Variants in TRPC4AP observed in about 807,000 individuals in gnomAD.
TRPC4AP encodes short transient receptor potential channel 4-associated protein.
In TRPC4AP, 45 loss-of-function variants were observed where a neutral mutation model predicts 99.0. The ratio of observed to expected loss-of-function variants is 0.45; its 90% CI spans 0.36 to 0.58. TRPC4AP has a LOEUF of 0.58. Among genes scored for constraint, TRPC4AP ranks in the 20% least tolerant of loss-of-function variants. The probability of loss-of-function intolerance (pLI) is 0.00; values close to 1 mark genes in which losing one functional copy is unlikely to be tolerated. For missense variants in TRPC4AP, 879 were observed against 985.3 expected, an observed-to-expected ratio of 0.89 and a Z score of 1.44; for synonymous variants, 408 against 385.8, an observed-to-expected ratio of 1.06 and a Z score of -0.67.
At chr20:35,086,463 G>GTATATA (rs1569157445) in intron 1 of TRPC4AP, among the ~76,000 whole-genome samples, 10 of 125,512 alleles carry the variant, frequency 8.0e-5, no homozygotes, top group East Asian at 2.3e-4. Flanking sequence ...GTGTGTGTGT[G>GTATATA]TGTGTGTGTG....
rs542341937 is a variant in TRPC4AP, at chr20:35,008,829, G to A, written c.1512-82C>T. ...GATGGGTCATTCTGCTGGCTTAGGCGGTGAAAAACCATGGGGACATTTCCA... is the reference window on the plus strand; with the variant it reads ...GATGGGTCATTCTGCTGGCTTAGGCAGTGAAAAACCATGGGGACATTTCCA... On this transcript the variant is annotated intron_variant, in intron 12 of 18. Coordinates refer to ENST00000252015, the MANE Select transcript of TRPC4AP (RefSeq NM_015638.3). The A allele has an allele frequency of 9.2e-4, 1,199 of 1,306,322 alleles. 1 individual carries two copies. Among genetic ancestry groups the A allele is most frequent in the Non-Finnish European group, 1.2e-3 (1,120 of 924,538 alleles). 80.9% of individuals were successfully genotyped at this position (1,306,322 alleles called of 1,614,324 possible).
intron 18 of TRPC4AP, 28 bp downstream of exon 18, chr20:35,003,382 A>G (rs1168883327): frequency 3.9e-6 from 6 of 1,543,916 alleles, no homozygotes; most frequent in Non-Finnish European, 5.2e-6. Flanking sequence ...CGGCCCACCC[A>G]TCACCCCCTT....
At chr20:35,015,517 C>CAA (rs1404630562) in intron 10 of TRPC4AP, among the ~76,000 whole-genome samples, 13 of 146,564 alleles carry the variant, frequency 8.9e-5, no homozygotes, top group Non-Finnish European at 1.9e-4. Context: ...GGCTGGAGTC[C>CAA]AGTGGCGTGA....
intron 14 of TRPC4AP, 138 bp from the exon 15 acceptor site, chr20:35,006,713 G>T: frequency 8.5e-7 from 1 of 1,179,366 alleles, no homozygotes; most frequent in Non-Finnish European, 1.2e-6. Flanking sequence ...TCTTGTCTGA[G>T]GATGCTGGTG....
intron 3 of TRPC4AP, among the ~76,000 whole-genome samples, chr20:35,065,267 G>A (rs1434830708): frequency 1.3e-5 from 2 of 152,248 alleles, no homozygotes; most frequent in Non-Finnish European, 2.9e-5. Context: ...CACTCAATGG[G>A]AGAGGAAGAG....
At chr20:35,022,961 T>C (rs896147434) in intron 8 of TRPC4AP, among the ~76,000 whole-genome samples, 5 of 151,384 alleles carry the variant, frequency 3.3e-5, no homozygotes, top group African/African-American at 9.7e-5. Context: ...AGGTGAAGGT[T>C]GCAGTGAACC....
chr20:35,032,277 A>G (rs2083214094), intron 8 of TRPC4AP, among the ~76,000 whole-genome samples: 1 of 152,098 alleles, frequency 6.6e-6, no homozygotes, highest in Non-Finnish European at 1.5e-5. Flanking sequence ...TGCCCGCCTC[A>G]GCCTCCCAAA....
intron 1 of TRPC4AP, among the ~76,000 whole-genome samples, chr20:35,089,052 A>G (rs1315832329): frequency 1.1e-5 from 1 of 93,766 alleles, no homozygotes; most frequent in Admixed American, 1.2e-4. Context: ...TTTTTTTTTA[A>G]GATACAGGGT....
chr20:35,013,092 T>TTAGGACCA, intron 10 of TRPC4AP, 26 bp from the exon 11 acceptor site: 1 of 1,613,292 alleles, frequency 6.2e-7, no homozygotes, highest in South Asian at 1.1e-5. Context: ...AGCCTCAATG[T>TTAGGACCA]TAGGACCACA....
intron 8 of TRPC4AP, among the ~76,000 whole-genome samples, chr20:35,025,194 G>C (rs1203668248): frequency 6.6e-6 from 1 of 152,026 alleles, no homozygotes; most frequent in African/African-American, 2.4e-5. Flanking sequence ...CTATATCATT[G>C]TGGGGTTTGT....
At chr20:35,018,619 A>AAG (rs1555903365) in intron 9 of TRPC4AP, among the ~76,000 whole-genome samples, 1 of 151,232 alleles carries the variant, frequency 6.6e-6, no homozygotes. Flanking sequence ...AAAAAAAAAA[A>AAG]AAAAAAAGAA....
At chr20:35,085,521 G>A (rs1399389609) in intron 1 of TRPC4AP, among the ~76,000 whole-genome samples, 1 of 151,460 alleles carries the variant, frequency 6.6e-6, no homozygotes, top group East Asian at 1.9e-4. Flanking sequence ...GCTGAGGTGG[G>A]AGGATTGCTT....
At chr20:35,023,222 G>C (rs1173858271) in intron 8 of TRPC4AP, among the ~76,000 whole-genome samples, 1 of 152,120 alleles carries the variant, frequency 6.6e-6, no homozygotes, top group African/African-American at 2.4e-5. Context: ...TTCACTAGCC[G>C]GGTGGTCTTC....
intron 5 of TRPC4AP, 49 bp from the exon 6 acceptor site, chr20:35,050,043 A>G: frequency 6.3e-7 from 1 of 1,585,636 alleles, no homozygotes; most frequent in South Asian, 1.2e-5. Flanking sequence ...AAAATAAATT[A>G]TGAAAGTACA....
intron 9 of TRPC4AP, among the ~76,000 whole-genome samples, chr20:35,017,933 A>C (rs1277436625): frequency 2.6e-5 from 4 of 152,094 alleles, no homozygotes; most frequent in Non-Finnish European, 5.9e-5. Context: ...CTGTTCTGCC[A>C]CTCAGGCCTT....
Position 35,078,130 on chromosome 20 carries a change from C to A in TRPC4AP, c.213G>T (p.Trp71Cys). The stretch of plus-strand genomic sequence containing the variant: ...TGAGGAGCAGCTGAGGAATTCCACT[C>A]CACTTGGATTGTTTGTCCCTCTCCG... ...FLTERDKQSKWSGIPQLLLKL... is the reference protein window; with the variant it reads ...FLTERDKQSKCSGIPQLLLKL... The change falls in exon 2 of 19, where the codon TGG (tryptophan) becomes TGT (cysteine). Residue 71 changes from tryptophan (W) to cysteine (C), a missense_variant. Trp to Cys is a radical substitution (Grantham distance 215). Around this residue, in one of 3 missense-constraint regions of TRPC4AP, gnomAD observed 603 missense variants for 631.8 expected, o/e 0.95. Transcript: ENST00000252015. The A allele has an allele frequency of 6.2e-7, 1 of 1,614,008 alleles. No individual in the cohort carries two copies. The highest frequency in any genetic ancestry group is 8.5e-7 in the Non-Finnish European group (1 of 1,179,964).
chr20:35,078,826 G>A (rs1226900130), intron 1 of TRPC4AP, among the ~76,000 whole-genome samples: 1 of 152,206 alleles, frequency 6.6e-6, no homozygotes, highest in African/African-American at 2.4e-5. Context: ...AACACTTTGG[G>A]AAGCCGAGGC....
intron 6 of TRPC4AP, among the ~76,000 whole-genome samples, chr20:35,045,197 C>T (rs1032971587): frequency 2.0e-5 from 3 of 152,140 alleles, no homozygotes; most frequent in Non-Finnish European, 2.9e-5. Context: ...TTATTATTCC[C>T]GTGCATGTTT....
chr20:35,056,508 TTAA>T (rs10558977), intron 4 of TRPC4AP, among the ~76,000 whole-genome samples: 116,566 of 151,428 alleles, frequency 0.77, 45,192 homozygotes, highest in Middle Eastern at 0.83. Flanking sequence ...ATAAATCCTC[TTAA>T]TAACCACTAC....
Sources: gnomAD v4.1 joint callset for allele counts (sites outside exome capture counted in the v4.1 genomes callset) on GRCh38, gnomAD v4.1.1 for gene constraint, gnomAD v4.1.1 regional missense constraint, MANE v1.5 for transcripts, NCBI Gene and HGNC (gene_info 2026-07-23, HGNC 2026-07-21) for gene names.